The following TRIQK variants were observed in gnomAD, a reference collection of about 807,000 sequenced individuals.
TRIQK encodes the protein triple QxxK/R motif-containing protein.
Under a neutral mutation model 10.8 loss-of-function variants are expected in TRIQK, and 10 were observed. The observed-to-expected ratio is 0.92, with a 90% CI of 0.57 to 1.57. TRIQK has a LOEUF of 1.57. TRIQK is among the 40% of genes most tolerant of loss of function. The pLI is 0.00. For synonymous variants in TRIQK, 33 were observed against 33.7 expected, an observed-to-expected ratio of 0.98 and a Z score of 0.07; for missense variants, 107 against 97.7, an observed-to-expected ratio of 1.09 and a Z score of -0.40.
intron 2 of TRIQK, among the ~76,000 whole-genome samples, chr8:92,942,184 C>G (rs568634625): frequency 6.6e-6 from 1 of 151,976 alleles, no homozygotes; most frequent in African/African-American, 2.4e-5. Context: ...TAGGAAGAGC[C>G]CATATCATTA....
intron 3 of TRIQK, among the ~76,000 whole-genome samples, chr8:92,902,450 T>C (rs1454237404): frequency 6.6e-6 from 1 of 152,096 alleles, no homozygotes; most frequent in Non-Finnish European, 1.5e-5. Context: ...TGGCCAAAGG[T>C]GAAGTACGGG....
At chr8:92,927,264 T>C (rs557514875) in intron 2 of TRIQK, among the ~76,000 whole-genome samples, 1 of 152,200 alleles carries the variant, frequency 6.6e-6, no homozygotes, top group Non-Finnish European at 1.5e-5. Context: ...TTTTCCCAGA[T>C]AGGCATGACA....
chr8:92,920,660 T>C (rs970110125), intron 2 of TRIQK, among the ~76,000 whole-genome samples: 1 of 151,752 alleles, frequency 6.6e-6, no homozygotes, highest in African/African-American at 2.4e-5. Flanking sequence ...CAAGGAGTTC[T>C]AAAGCACAGA....
intron 3 of TRIQK, among the ~76,000 whole-genome samples, chr8:92,916,183 T>C (rs1212853647): frequency 6.6e-6 from 1 of 152,220 alleles, no homozygotes; most frequent in African/African-American, 2.4e-5. Context: ...ATATTGATTG[T>C]TTATAACTTG....
intron 2 of TRIQK, among the ~76,000 whole-genome samples, chr8:92,943,853 G>A (rs544192965): frequency 6.6e-6 from 1 of 152,198 alleles, no homozygotes; most frequent in East Asian, 1.9e-4. Context: ...GATTCTGCTA[G>A]AAGCTTTTTA....
Position 92,912,036 on chromosome 8 carries a change from GA to G in TRIQK, c.61+4892del, listed in dbSNP as rs917349904. 1.7e-3 allele frequency among the ~76,000 whole-genome samples: 261 copies of G among 150,572 alleles called. 3 individuals are homozygous for G. Among genetic ancestry groups the G allele is most frequent in the African/African-American group, 5.9e-3 (244 of 41,170 alleles). ...TAGATTATTGAGACAAAAAACTCAA[GA>G]AAAAAACACAGATTTAAACAATACT... On this transcript the variant is annotated intron_variant, in intron 3 of 4. Coordinates refer to ENST00000521988, the MANE Select transcript of TRIQK (RefSeq NM_001171797.2).
intron 3 of TRIQK, among the ~76,000 whole-genome samples, chr8:92,901,184 C>T (rs956697471): frequency 1.3e-5 from 2 of 152,074 alleles, no homozygotes; most frequent in African/African-American, 4.8e-5. Context: ...AAGACCATAT[C>T]ATCTGCAAAC....
intron 3 of TRIQK, among the ~76,000 whole-genome samples, chr8:92,892,502 A>G (rs1414134024): frequency 1.3e-5 from 2 of 152,082 alleles, no homozygotes; most frequent in Non-Finnish European, 2.9e-5. Context: ...TTAAGCATTC[A>G]AAACATAAGT....
chr8:92,923,350 T>C (rs891184711), intron 2 of TRIQK, among the ~76,000 whole-genome samples: 1 of 151,590 alleles, frequency 6.6e-6, no homozygotes, highest in Non-Finnish European at 1.5e-5. Flanking sequence ...TTGTGATAGA[T>C]GCGGAAAGGG....
intron 1 of TRIQK, among the ~76,000 whole-genome samples, chr8:92,977,010 C>A (rs1008748620): frequency 1.3e-5 from 2 of 151,882 alleles, no homozygotes; most frequent in Admixed American, 1.3e-4. Flanking sequence ...ATTCAATATT[C>A]TTTTAAAGAG....
intron 1 of TRIQK, among the ~76,000 whole-genome samples, chr8:93,009,931 A>G (rs1261277384): frequency 2.6e-5 from 4 of 152,160 alleles, no homozygotes; most frequent in African/African-American, 9.7e-5. Flanking sequence ...ATGGTATACT[A>G]TTCAGACATA....
chr8:92,995,772 T>G (rs1055365679), intron 1 of TRIQK, among the ~76,000 whole-genome samples: 1 of 152,120 alleles, frequency 6.6e-6, no homozygotes, highest in Non-Finnish European at 1.5e-5. Context: ...AACACGGTTA[T>G]GTGTCACATC....
chr8:92,980,850 TTC>T (rs1422459151), intron 1 of TRIQK, among the ~76,000 whole-genome samples: 10 of 151,744 alleles, frequency 6.6e-5, no homozygotes, highest in African/African-American at 2.4e-4. Flanking sequence ...AGCTTTTGAT[TTC>T]TGTTAAATAA....
intron 1 of TRIQK, chr8:93,017,539 C>T (rs538479290): frequency 6.6e-6 from 1 of 152,312 alleles, no homozygotes; most frequent in South Asian, 2.1e-4. Context: ...ACCATGATTC[C>T]CACCGGCAGG....
intron 2 of TRIQK, among the ~76,000 whole-genome samples, chr8:92,946,834 C>T (rs1330117019): frequency 6.6e-6 from 1 of 151,092 alleles, no homozygotes; most frequent in Admixed American, 6.6e-5. Flanking sequence ...AATCTCGGCT[C>T]ACTGCGAGCT....
At chr8:93,017,274 G>T (rs372580330) in intron 1 of TRIQK, among the ~76,000 whole-genome samples, 1 of 151,976 alleles carries the variant, frequency 6.6e-6, no homozygotes, top group East Asian at 1.9e-4. Context: ...TGACGCTCTC[G>T]TTCAGTCACT....
At chr8:92,971,299 A>T (rs867549135) in intron 1 of TRIQK, among the ~76,000 whole-genome samples, 1 of 152,154 alleles carries the variant, frequency 6.6e-6, no homozygotes, top group African/African-American at 2.4e-5. Context: ...TGGCCTGGGC[A>T]ATCAGGCAAA....
chr8:92,996,575 G>A (rs1402659987), intron 1 of TRIQK, among the ~76,000 whole-genome samples: 3 of 151,974 alleles, frequency 2.0e-5, no homozygotes, highest in African/African-American at 7.2e-5. Flanking sequence ...CTCAGAGACT[G>A]TAATCACCTT....
chr8:92,901,716 GT>G (rs1808951302), intron 3 of TRIQK, among the ~76,000 whole-genome samples: 2 of 152,046 alleles, frequency 1.3e-5, no homozygotes, highest in Admixed American at 6.6e-5. Flanking sequence ...TTTTTTTAAT[GT>G]GTTCTTGTCT....
Sources: gnomAD v4.1 joint callset for allele counts (sites outside exome capture counted in the v4.1 genomes callset) on GRCh38, gnomAD v4.1.1 for gene constraint, MANE v1.5 for transcripts, NCBI Gene and HGNC (gene_info 2026-07-23, HGNC 2026-07-21) for gene names.